LRRTM4: variants seen among roughly 807,000 people sequenced by gnomAD.
LRRTM4 encodes the protein leucine-rich repeat transmembrane neuronal protein 4.
Under a neutral mutation model 47.6 loss-of-function variants are expected in LRRTM4, and 25 were observed. The ratio of observed to expected loss-of-function variants is 0.53; its 90% confidence interval spans 0.38 to 0.73. LRRTM4 has a LOEUF of 0.73. LRRTM4 is among the 30% of genes least tolerant of loss of function. The pLI is 0.00. For synonymous variants in LRRTM4, 311 were observed against 269.5 expected, an observed-to-expected ratio of 1.15 and a Z score of -1.51; for missense variants, 638 against 713.4, an observed-to-expected ratio of 0.89 and a Z score of 1.20.
chr2:77,331,430 T>C (rs949124407), intron 3 of LRRTM4, among the ~76,000 whole-genome samples: 1 of 152,178 alleles, frequency 6.6e-6, no homozygotes, highest in Non-Finnish European at 1.5e-5. Flanking sequence ...AGGCCTACTC[T>C]AAGAATTGGA....
At chr2:77,247,827 T>C (rs1364846981) in intron 3 of LRRTM4, among the ~76,000 whole-genome samples, 1 of 151,894 alleles carries the variant, frequency 6.6e-6, no homozygotes, top group Non-Finnish European at 1.5e-5. Context: ...AATTAGTATT[T>C]TGCAATTGCA....
rs1573459504 is a variant in LRRTM4 at position 77,019,769 on chromosome 2, G to C, written c.1552-270853C>G. Among the ~76,000 whole-genome samples, 3 of 152,014 alleles carry C rather than the reference G, an allele frequency of 2.0e-5. No homozygotes were observed. In the South Asian group the frequency reaches 6.2e-4, roughly 32 times the overall value. Reference sequence around the variant, plus strand: ...ACTTATTATGTAGCAATAGATAACTGAACCAGAAAATTTTTATCAAAAGTG... The same window carrying C: ...ACTTATTATGTAGCAATAGATAACTCAACCAGAAAATTTTTATCAAAAGTG... On this transcript the variant is annotated intron_variant, in intron 3 of 3. Coordinates refer to ENST00000409884, the MANE Select transcript of LRRTM4 (RefSeq NM_001134745.3).
chr2:77,122,976 G>A (rs748296878), intron 3 of LRRTM4, among the ~76,000 whole-genome samples: 2 of 151,810 alleles, frequency 1.3e-5, no homozygotes, highest in Non-Finnish European at 2.9e-5. Context: ...AGAAAATGAT[G>A]AGACTCTATA....
chr2:77,356,205 A>G (rs935433714), intron 3 of LRRTM4, among the ~76,000 whole-genome samples: 10 of 152,228 alleles, frequency 6.6e-5, no homozygotes, highest in Non-Finnish European at 1.3e-4. Context: ...GAACAGTAAC[A>G]TGATCATAAT....
chr2:76,919,350 A>G (rs956945875), intron 3 of LRRTM4, among the ~76,000 whole-genome samples: 1 of 152,186 alleles, frequency 6.6e-6, no homozygotes, highest in East Asian at 1.9e-4. Context: ...AAGGCCTCAG[A>G]AATGTGAAAC....
At chr2:77,196,926 A>AT (rs1348180053) in intron 3 of LRRTM4, among the ~76,000 whole-genome samples, 1 of 152,046 alleles carries the variant, frequency 6.6e-6, no homozygotes, top group Non-Finnish European at 1.5e-5. Context: ...TGTTTTTTTA[A>AT]TTTTTTTCCA....
intron 3 of LRRTM4, among the ~76,000 whole-genome samples, chr2:76,944,557 T>C (rs1384085744): frequency 6.6e-6 from 1 of 152,052 alleles, no homozygotes; most frequent in Non-Finnish European, 1.5e-5. Context: ...TTTCTGAACA[T>C]GAAAGGAGAT....
chr2:77,319,840 G>T (rs972259991), intron 3 of LRRTM4, among the ~76,000 whole-genome samples: 3 of 152,134 alleles, frequency 2.0e-5, no homozygotes, highest in Admixed American at 2.0e-4. Context: ...TTTCCCCAAA[G>T]GTGAAGATTC....
chr2:77,091,540 G>T (rs367653747), intron 3 of LRRTM4, among the ~76,000 whole-genome samples: 3 of 140,818 alleles, frequency 2.1e-5, no homozygotes, highest in African/African-American at 8.6e-5. Context: ...TGTTTTGCCT[G>T]TCCACCCCGT....
intron 3 of LRRTM4, among the ~76,000 whole-genome samples, chr2:76,778,560 A>G (rs1195434765): frequency 1.3e-5 from 2 of 151,850 alleles, no homozygotes; most frequent in Non-Finnish European, 2.9e-5. Context: ...AGGTGTTTGT[A>G]GTATTCTCTG....
At chr2:77,003,176 TTTG>T (rs146915475) in intron 3 of LRRTM4, among the ~76,000 whole-genome samples, 18,387 of 151,526 alleles carry the variant, frequency 0.12, 3,591 homozygotes, top group African/African-American at 0.41. Flanking sequence ...TATGTTCTTA[TTTG>T]TTATTTTCTT....
intron 3 of LRRTM4, among the ~76,000 whole-genome samples, chr2:76,851,505 T>TA (rs1347361236): frequency 6.6e-6 from 1 of 152,132 alleles, no homozygotes. Context: ...GGCTTGTCCT[T>TA]ACCGTTGCTG....
chr2:77,193,400 A>C (rs1013091550), intron 3 of LRRTM4, among the ~76,000 whole-genome samples: 1 of 152,212 alleles, frequency 6.6e-6, no homozygotes, highest in Non-Finnish European at 1.5e-5. Flanking sequence ...AAAAAATTTA[A>C]ATATTGTTAA....
At chr2:77,197,663 T>C (rs1673866424) in intron 3 of LRRTM4, among the ~76,000 whole-genome samples, 1 of 152,200 alleles carries the variant, frequency 6.6e-6, no homozygotes, top group South Asian at 2.1e-4. Flanking sequence ...GGAGGCATAT[T>C]TTTATGATTT....
chr2:77,029,256 T>C (rs1022185487), intron 3 of LRRTM4, among the ~76,000 whole-genome samples: 6 of 151,948 alleles, frequency 3.9e-5, no homozygotes, highest in South Asian at 4.2e-4. Flanking sequence ...ATTAGGAGTA[T>C]TGACTCACAC....
intron 3 of LRRTM4, among the ~76,000 whole-genome samples, chr2:77,204,315 T>G (rs1011297448): frequency 5.3e-5 from 8 of 152,052 alleles, no homozygotes; most frequent in African/African-American, 1.7e-4. Flanking sequence ...GACTAAATCA[T>G]GTAACGTTTT....
intron 3 of LRRTM4, among the ~76,000 whole-genome samples, chr2:76,832,310 G>A (rs1671376264): frequency 6.6e-6 from 1 of 152,010 alleles, no homozygotes; most frequent in Non-Finnish European, 1.5e-5. Context: ...CCTTTCACAT[G>A]TATTCAGATT....
chr2:76,998,689 A>T (rs1251331390), intron 3 of LRRTM4, among the ~76,000 whole-genome samples: 1 of 152,038 alleles, frequency 6.6e-6, no homozygotes, highest in African/African-American at 2.4e-5. Context: ...ACCCAAAAAA[A>T]CAAAAAACAC....
intron 3 of LRRTM4, among the ~76,000 whole-genome samples, chr2:76,888,942 TC>T (rs1463373902): frequency 6.6e-6 from 1 of 151,880 alleles, no homozygotes; most frequent in Non-Finnish European, 1.5e-5. Flanking sequence ...AATCTAAAGT[TC>T]CTATATAAAA....
Sources: allele counts gnomAD v4.1 joint callset (sites outside exome capture counted in the v4.1 genomes callset), GRCh38; gene constraint gnomAD v4.1.1; transcripts MANE v1.5; gene names NCBI Gene and HGNC (gene_info 2026-07-23, HGNC 2026-07-21).